Variants in RAB12 observed in about 807,000 individuals in gnomAD.
The protein encoded by RAB12 is ras-related protein Rab-12.
Under a neutral mutation model 28.4 loss-of-function variants are expected in RAB12, and 11 were observed. That is an observed-to-expected ratio of 0.39 (90% CI 0.24 to 0.64). The LOEUF is 0.64. RAB12 is among the 30% of genes least tolerant of loss of function. The pLI, the probability that RAB12 is intolerant of heterozygous loss-of-function variation, is 0.50. For synonymous variants in RAB12, 138 were observed against 145.3 expected (o/e 0.95, Z 0.36); for missense variants, 276 against 351.1 (o/e 0.79, Z 1.71).
At chr18:8,622,643 C>A (rs1306269006) in intron 1 of RAB12, among the ~76,000 whole-genome samples, 2 of 152,198 alleles carry the variant, frequency 1.3e-5, no homozygotes, top group African/African-American at 2.4e-5. Context: ...AAGTTTCAGG[C>A]ACCATTGTCA....
At position 8,609,877 on chromosome 18, in the gene RAB12, C is replaced by T. The variant is rs751605134; in HGVS notation, c.438C>T (p.Ser146=). 4.4e-6 allele frequency: 7 copies of T among 1,601,538 alleles called. No homozygotes were observed. The African/African-American group carries it at 6.8e-5, about 16-fold the overall frequency. ...AGTTGCAGGTCATCATTATCGGCTC[C>T]CGCGGCGTGGGCAAGACCAGCCTGA... ...DFKLQVIIIG[S]RGVGKTSLME... The change falls in exon 1 of 6, where the codon TCC becomes TCT. Residue 146 remains serine (S), a synonymous_variant. Transcript: ENST00000649141.
intron 2 of RAB12, among the ~76,000 whole-genome samples, chr18:8,632,404 G>A (rs1203428854): frequency 6.6e-6 from 1 of 152,178 alleles, no homozygotes; most frequent in African/African-American, 2.4e-5. Flanking sequence ...GCAGACTTGA[G>A]GAGCTTCCAG....
chr18:8,635,589 G>C lies in RAB12; in HGVS notation c.771G>C (p.Thr257=), dbSNP rs113631201. 1.2e-6 allele frequency: 2 copies of C among 1,612,516 alleles called. No homozygotes were observed. The highest frequency in any genetic ancestry group is 2.7e-5 in the African/African-American group (2 of 74,850). Residue 257 remains threonine (T), a synonymous_variant, in exon 4 of 6, where the codon ACG becomes ACC. Coordinates refer to ENST00000649141, the MANE Select transcript of RAB12 (RefSeq NM_001025300.3). ...TTGGAAATAAGTTGGACTGTGAAAC[G>C]GACAGAGAAATCACCAGGCAGCAGG... ...LLVGNKLDCE[T]DREITRQQGE...
intron 1 of RAB12, among the ~76,000 whole-genome samples, chr18:8,621,293 A>G (rs545620354): frequency 3.9e-5 from 6 of 152,328 alleles, no homozygotes; most frequent in African/African-American, 1.4e-4. Flanking sequence ...AATAGACAAC[A>G]TTAAGGGATA....
intron 2 of RAB12, among the ~76,000 whole-genome samples, chr18:8,628,368 TAAATC>T (rs1337201163): frequency 6.6e-6 from 1 of 152,150 alleles, no homozygotes; most frequent in Non-Finnish European, 1.5e-5. Context: ...GTAAGGGAAA[TAAATC>T]AAGCAAAGGC....
At chr18:8,632,497 G>A (rs1371006896) in intron 2 of RAB12, among the ~76,000 whole-genome samples, 7 of 152,038 alleles carry the variant, frequency 4.6e-5, no homozygotes, top group Non-Finnish European at 1.0e-4. Flanking sequence ...GACTGTGCCT[G>A]CTAGGGTTGT....
At chr18:8,614,323 A>G (rs1341540350) in intron 1 of RAB12, among the ~76,000 whole-genome samples, 4 of 152,136 alleles carry the variant, frequency 2.6e-5, no homozygotes, top group African/African-American at 7.2e-5. Context: ...TATATATTCC[A>G]TCATTCAAAT....
chr18:8,623,788 C>T (rs1045078562), intron 1 of RAB12, among the ~76,000 whole-genome samples: 18 of 152,240 alleles, frequency 1.2e-4, no homozygotes, highest in Non-Finnish European at 2.4e-4. Context: ...TGCTCTCTAG[C>T]TTTGTTTTCT....
intron 2 of RAB12, among the ~76,000 whole-genome samples, chr18:8,628,949 A>ATAAAC (rs1302581373): frequency 6.6e-6 from 1 of 152,188 alleles, no homozygotes; most frequent in Non-Finnish European, 1.5e-5. Context: ...AAAGTATGTA[A>ATAAAC]TTCCTAAAAT....
chr18:8,638,331 A>G lies in RAB12; in HGVS notation c.*69A>G. 1.9e-6 allele frequency: 2 copies of G among 1,072,322 alleles called. No individual in the cohort carries two copies. The highest frequency in any genetic ancestry group is 2.8e-6 in the Non-Finnish European group (2 of 703,114). 66.4% of individuals were successfully genotyped at this position (1,072,322 alleles called of 1,614,324 possible). Reference sequence around the variant, plus strand: ...GAAAAAACGTTCTATTCTGCACTACAATCATTTTGACAATTTCCTTTCGCA... The same window carrying G: ...GAAAAAACGTTCTATTCTGCACTACGATCATTTTGACAATTTCCTTTCGCA... On this transcript the variant is annotated 3_prime_UTR_variant, in exon 6 of 6. Coordinates refer to ENST00000649141, the MANE Select transcript of RAB12 (RefSeq NM_001025300.3).
In RAB12 at chr18:8,611,255, A is replaced by C. The variant is rs569878426; in HGVS notation, c.514+1302A>C. Among the ~76,000 whole-genome samples the C allele has an allele frequency of 6.1e-4, 93 of 152,356 alleles. 1 individual carries two copies. In the South Asian group the frequency reaches 8.5e-3, roughly 14 times the overall value. On this transcript the variant is annotated intron_variant, in intron 1 of 5. Coordinates refer to ENST00000649141, the MANE Select transcript of RAB12 (RefSeq NM_001025300.3). ...GAGTACAGGGAGTTGTTAAACCATCAAATGAGGGTTAGGCTGTTATTTTAG... is the reference window on the plus strand; with the variant it reads ...GAGTACAGGGAGTTGTTAAACCATCCAATGAGGGTTAGGCTGTTATTTTAG...
intron 1 of RAB12, among the ~76,000 whole-genome samples, chr18:8,617,203 T>G (rs1018523655): frequency 2.0e-5 from 3 of 152,226 alleles, no homozygotes; most frequent in African/African-American, 7.2e-5. Context: ...AAGACAATTT[T>G]TAATTCTCTT....
In RAB12 at chr18:8,614,519, G is replaced by GA. The variant is rs143888490; in HGVS notation, c.514+4576dup. ...AGTAAGAACATTAAAAAAAAAAAAA[G>GA]AAAAAAAAAAGACTTAAAAAAATTA... On this transcript the variant is annotated intron_variant, in intron 1 of 5. Transcript: ENST00000649141. Among the ~76,000 whole-genome samples, 1,167 of 137,006 alleles carry GA rather than the reference G, an allele frequency of 8.5e-3. 16 individuals carry two copies. The highest frequency in any genetic ancestry group is 0.039 in the South Asian group (167 of 4,228). The allele number at this position is 137,006 out of a possible 152,430, so 89.9% of individuals were successfully genotyped here. A position where few individuals can be genotyped will look rare whatever the true frequency, so the allele number is the denominator to read the frequency against.
At position 8,617,126 on chromosome 18, in the gene RAB12, C is replaced by T. The variant is rs74570663; in HGVS notation, c.514+7173C>T. Among the ~76,000 whole-genome samples, 777 of 152,310 alleles carry T rather than the reference C, an allele frequency of 5.1e-3. 8 individuals are homozygous for T. Among genetic ancestry groups the T allele is most frequent in the African/African-American group, 0.018 (742 of 41,572 alleles). ...AGGAAGAAAAACAAAGTGGGATTTA[C>T]ACTTTCTTCACATCTCACAGTATAG... On this transcript the variant is annotated intron_variant, in intron 1 of 5. Coordinates refer to ENST00000649141, the MANE Select transcript of RAB12 (RefSeq NM_001025300.3).
chr18:8,637,746 AAC>A (rs112800207), intron 5 of RAB12, among the ~76,000 whole-genome samples: 69 of 152,326 alleles, frequency 4.5e-4, no homozygotes, highest in African/African-American at 1.6e-3. Flanking sequence ...TGATAACATA[AAC>A]AGTCACTTAA....
intron 4 of RAB12, 112 bp downstream of exon 4, chr18:8,635,734 G>T: frequency 1.5e-6 from 1 of 649,486 alleles, no homozygotes; most frequent in Non-Finnish European, 2.5e-6. Context: ...TCAATACAGT[G>T]ATAACTCAGT....
At chr18:8,610,474 C>G (rs1296827705) in intron 1 of RAB12, among the ~76,000 whole-genome samples, 1 of 152,238 alleles carries the variant, frequency 6.6e-6, no homozygotes, top group African/African-American at 2.4e-5. Context: ...GTTTCTCGTG[C>G]TAGCCGTACG....
chr18:8,630,820 T>A (rs1234863310), intron 2 of RAB12, among the ~76,000 whole-genome samples: 1 of 152,224 alleles, frequency 6.6e-6, no homozygotes, highest in African/African-American at 2.4e-5. Flanking sequence ...CTCTCCTCCC[T>A]TTTCCTTTGA....
chr18:8,637,227 G>A lies in RAB12; in HGVS notation c.909+870G>A, dbSNP rs541030253. Among the ~76,000 whole-genome samples the A allele has an allele frequency of 2.0e-5, 3 of 150,484 alleles. No individual in the cohort carries two copies. The South Asian group carries it at 6.3e-4, about 32-fold the overall frequency. Reference sequence around the variant, plus strand: ...TGAGGAATTTGATACAGTGAGCTATGATCGTATCTACACTCCAGCCTGGGT... The same window carrying A: ...TGAGGAATTTGATACAGTGAGCTATAATCGTATCTACACTCCAGCCTGGGT... On this transcript the variant is annotated intron_variant, in intron 5 of 5. Transcript: ENST00000649141.
Sources: gnomAD v4.1 joint callset for allele counts (sites outside exome capture counted in the v4.1 genomes callset) on GRCh38, gnomAD v4.1.1 for gene constraint, MANE v1.5 for transcripts, NCBI Gene and HGNC (gene_info 2026-07-23, HGNC 2026-07-21) for gene names.